Variants in LOXL2 observed in about 807,000 individuals in gnomAD.
LOXL2 encodes lysyl oxidase like 2.
A neutral mutation model predicts 93.0 loss-of-function variants in LOXL2; 70 were observed. The observed-to-expected ratio is 0.75, with a 90% CI of 0.62 to 0.92. The LOEUF (loss-of-function observed/expected upper bound fraction) is 0.92, where lower values mean the gene tolerates loss of function less well. LOXL2 is among the 40% of genes least tolerant of loss of function. The probability of loss-of-function intolerance (pLI) is 0.00; values close to 1 mark genes in which losing one functional copy is unlikely to be tolerated. For missense variants in LOXL2, 973 were observed against 1,054.9 expected (o/e 0.92, Z 1.08); for synonymous variants, 438 against 413.2 (o/e 1.06, Z -0.73).
At chr8:23,395,560 T>C (rs1800079587) in intron 1 of LOXL2, among the ~76,000 whole-genome samples, 1 of 152,128 alleles carries the variant, frequency 6.6e-6, no homozygotes, top group Non-Finnish European at 1.5e-5. Flanking sequence ...AATGGGTGAA[T>C]TGGATGATAT....
chr8:23,391,247 C>A (rs1227237283), intron 1 of LOXL2, among the ~76,000 whole-genome samples: 1 of 151,778 alleles, frequency 6.6e-6, no homozygotes, highest in Non-Finnish European at 1.5e-5. Context: ...AACAAACAAA[C>A]AACAACAAAA....
At chr8:23,387,701 G>C (rs1041887192) in intron 1 of LOXL2, among the ~76,000 whole-genome samples, 18 of 152,168 alleles carry the variant, frequency 1.2e-4, no homozygotes, top group African/African-American at 4.1e-4. Flanking sequence ...TGTAATCCCA[G>C]CACTTTGGGA....
Position 23,302,122 on chromosome 8 carries a change from C to T in LOXL2, c.2038G>A (p.Gly680Ser). 6.2e-7 allele frequency: 1 copy of T among 1,614,130 alleles called. No homozygotes were observed. Among genetic ancestry groups the T allele is most frequent in the Non-Finnish European group, 8.5e-7 (1 of 1,180,008 alleles). Residue 680 changes from glycine (G) to serine (S), a missense_variant, in exon 12 of 14, where the codon GGC becomes AGC. Transcript: ENST00000389131. ...NYECANFGDQ[G>S]ITMGCWDMYR... ...ATGTCCCAGCAGCCCATGGTGATGC[C>T]CTGATCGCCGAAGTTGGCACACTCG... is the stretch of plus-strand genomic sequence containing the variant.
intron 5 of LOXL2, among the ~76,000 whole-genome samples, 165 bp downstream of exon 5, chr8:23,333,236 G>C (rs1191260743): frequency 6.6e-6 from 1 of 152,092 alleles, no homozygotes; most frequent in Non-Finnish European, 1.5e-5. Context: ...CCCCCAGGTG[G>C]TCCTTCTCTG....
chr8:23,358,232 C>T (rs1409753046), intron 3 of LOXL2, among the ~76,000 whole-genome samples: 1 of 152,204 alleles, frequency 6.6e-6, no homozygotes, highest in Non-Finnish European at 1.5e-5. Flanking sequence ...CTCTAGTTAT[C>T]TTCAATAAAA....
rs1006556207 is a variant in LOXL2 at position 23,297,218 on chromosome 8, TGTAA to T, written c.*821_*824del. 6.6e-6 allele frequency: 1 copy of T among 152,170 alleles called. No homozygotes were observed. Among genetic ancestry groups the T allele is most frequent in the African/African-American group, 2.4e-5 (1 of 41,418 alleles). 9.4% of individuals were successfully genotyped at this position (152,170 alleles called of 1,614,324 possible). A position where few individuals can be genotyped will look rare whatever the true frequency, so the allele number is the denominator to read the frequency against. On this transcript the variant is annotated 3_prime_UTR_variant, in exon 14 of 14. Coordinates refer to ENST00000389131, the MANE Select transcript of LOXL2 (RefSeq NM_002318.3). The stretch of plus-strand genomic sequence containing the variant: ...TCTTTTATTCCAAGTTTCAAGTATG[TGTAA>T]GTGTCTGTGATGACACATGGTGCTC...
chr8:23,314,050 C>T (rs1425593181), intron 9 of LOXL2, among the ~76,000 whole-genome samples: 1 of 149,626 alleles, frequency 6.7e-6, no homozygotes, highest in Non-Finnish European at 1.5e-5. Context: ...AAATGCTCAC[C>T]ATCACTGGCC....
chr8:23,346,090 A>AT (rs1230448516), intron 3 of LOXL2, among the ~76,000 whole-genome samples: 24 of 90,552 alleles, frequency 2.7e-4, no homozygotes, highest in African/African-American at 1.2e-3. Context: ...AAATAATAAA[A>AT]TAAAATAAAA....
At chr8:23,390,592 A>G (rs917615483) in intron 1 of LOXL2, among the ~76,000 whole-genome samples, 2 of 152,202 alleles carry the variant, frequency 1.3e-5, no homozygotes, top group Non-Finnish European at 2.9e-5. Context: ...TCTGGGTGGA[A>G]TCTCATTCTG....
At chr8:23,345,282 C>T (rs1419022898) in intron 3 of LOXL2, among the ~76,000 whole-genome samples, 1 of 152,244 alleles carries the variant, frequency 6.6e-6, no homozygotes, top group Non-Finnish European at 1.5e-5. Context: ...GTCCTCATCT[C>T]ATGCCTGTGT....
At chr8:23,317,207 T>C (rs1803417164) in intron 8 of LOXL2, 93 bp from the exon 9 acceptor site, 3 of 1,365,368 alleles carry the variant, frequency 2.2e-6, no homozygotes, top group South Asian at 2.3e-5. Context: ...AAAATCCCAA[T>C]GTTTCATGAT....
intron 7 of LOXL2, 70 bp from the exon 8 acceptor site, chr8:23,320,122 C>T (rs1015921974): frequency 3.0e-4 from 449 of 1,518,610 alleles, no homozygotes; most frequent in Non-Finnish European, 3.9e-4. Flanking sequence ...CTGCCATCAG[C>T]CCCAGTGTCC....
intron 1 of LOXL2, among the ~76,000 whole-genome samples, chr8:23,374,270 G>A (rs1283425119): frequency 4.6e-5 from 7 of 152,058 alleles, no homozygotes; most frequent in Admixed American, 3.3e-4. Context: ...CCCTAAAAAG[G>A]ACATGAACTC....
chr8:23,401,981 A>G (rs1800156408), intron 1 of LOXL2, among the ~76,000 whole-genome samples: 1 of 152,236 alleles, frequency 6.6e-6, no homozygotes. Flanking sequence ...GTTACAGGGA[A>G]GCAAATGCAC....
In LOXL2 at chr8:23,328,449, A is replaced by G. The variant is rs757036954; in HGVS notation, c.1083T>C (p.Ser361=). ...CAAAGCCCAGCTCTCTGCAGACCAC[A>G]CTGGCCGACACCAGGTCCCACTTGT... ...CDDKWDLVSA[S]VVCRELGFGS... is the part of the protein sequence containing the mutation. The change falls in exon 6 of 14, where the codon AGT becomes AGC. Residue 361 remains serine (S), a synonymous_variant. Transcript: ENST00000389131. The G allele has an allele frequency of 6.2e-7, 1 of 1,613,986 alleles. No individual in the cohort carries two copies.
rs137893637 is a variant in LOXL2, at chr8:23,303,586, G to C, written c.1881-189C>G. 1.2e-4 allele frequency among the ~76,000 whole-genome samples: 19 copies of C among 152,304 alleles called. 1 individual carries two copies. The East Asian group carries it at 3.7e-3, about 30-fold the overall frequency. Reference sequence around the variant, plus strand: ...CTGCAGAGGCAGCTTCAGGGCTCTGGAGTCAGACCACTGCTCACCTTGCTA... The same window carrying C: ...CTGCAGAGGCAGCTTCAGGGCTCTGCAGTCAGACCACTGCTCACCTTGCTA... On this transcript the variant is annotated intron_variant, in intron 10 of 13. Transcript: ENST00000389131.
chr8:23,338,288 G>GT (rs1563194720), intron 4 of LOXL2, among the ~76,000 whole-genome samples: 1 of 146,156 alleles, frequency 6.8e-6, no homozygotes, highest in African/African-American at 2.6e-5. Context: ...CAGCCAAACC[G>GT]TATCACTAGG....
At chr8:23,369,504 G>C (rs2117215127) in intron 1 of LOXL2, among the ~76,000 whole-genome samples, 1 of 152,276 alleles carries the variant, frequency 6.6e-6, no homozygotes, top group East Asian at 1.9e-4. Flanking sequence ...TCTGGTCATG[G>C]CACACTACCT....
At chr8:23,299,579 G>C (rs1803093520) in intron 12 of LOXL2, among the ~76,000 whole-genome samples, 1 of 152,196 alleles carries the variant, frequency 6.6e-6, no homozygotes, top group Non-Finnish European at 1.5e-5. Flanking sequence ...GACATATTCT[G>C]GGAGAGTGTC....
Sources: gnomAD v4.1 joint callset for allele counts (sites outside exome capture counted in the v4.1 genomes callset) on GRCh38, gnomAD v4.1.1 for gene constraint, MANE v1.5 for transcripts, NCBI Gene and HGNC (gene_info 2026-07-23, HGNC 2026-07-21) for gene names.